Variants in TG observed in about 807,000 individuals in gnomAD.
TG encodes the protein thyroid hormones.
A neutral mutation model predicts 324.7 loss-of-function variants in TG; 270 were observed. The observed-to-expected ratio is 0.83, with a 90% confidence interval of 0.75 to 0.92. TG has a LOEUF of 0.92. Among genes scored for constraint, TG ranks in the 40% least tolerant of loss-of-function variants. The pLI, the probability that TG is intolerant of heterozygous loss-of-function variation, is 0.00. For missense variants in TG, 3,591 were observed against 3,456.4 expected (o/e 1.04, Z -0.98); for synonymous variants, 1,401 against 1,327.0 (o/e 1.06, Z -1.21).
chr8:133,101,274 C>T (rs1200132920), intron 43 of TG, among the ~76,000 whole-genome samples: 2 of 152,200 alleles, frequency 1.3e-5, no homozygotes, highest in African/African-American at 4.8e-5. Context: ...ATGAGCTATG[C>T]TCCCACCCTC....
At chr8:132,999,386 G>C (rs900395250) in intron 35 of TG, among the ~76,000 whole-genome samples, 13 of 151,996 alleles carry the variant, frequency 8.6e-5, no homozygotes, top group African/African-American at 3.1e-4. Context: ...CAGTTAGGAA[G>C]GACCACTATC....
intron 41 of TG, among the ~76,000 whole-genome samples, chr8:133,066,325 C>CA (rs11395047): frequency 0.28 from 24,602 of 87,022 alleles, 4,017 homozygotes; most frequent in Admixed American, 0.31. Flanking sequence ...GACTCTGTCT[C>CA]AAAAAAAAAA....
At chr8:133,102,735 G>T in intron 43 of TG, 1 of 645,600 alleles carries the variant, frequency 1.5e-6, no homozygotes, top group Non-Finnish European at 2.8e-6. Context: ...GCATTCATTT[G>T]CATGATCAAA....
chr8:132,969,527 TTAGAAATA>T lies in TG; in HGVS notation c.5934_5941del (p.Arg1979SerfsTer5), dbSNP rs1247885516. ...TTCCAAAAACTGATGGGGATATCCA[TTAGAAATA>T]AAGTGCCCATGTCTGAAAAATCTAT... On this transcript the variant is annotated frameshift_variant, in exon 32 of 48. Transcript: ENST00000220616. LOFTEE classifies it high-confidence loss of function. The T allele has an allele frequency of 1.2e-6, 2 of 1,613,968 alleles. No individual in the cohort carries two copies. The highest frequency in any genetic ancestry group is 1.7e-6 in the Non-Finnish European group (2 of 1,179,854).
At chr8:133,123,292 C>G (rs2131811339) in intron 45 of TG, among the ~76,000 whole-genome samples, 1 of 152,126 alleles carries the variant, frequency 6.6e-6, no homozygotes, top group Non-Finnish European at 1.5e-5. Flanking sequence ...GGAACCCCCT[C>G]AAGCAGATGG....
At chr8:133,054,883 T>C (rs1351053636) in intron 41 of TG, among the ~76,000 whole-genome samples, 8 of 152,206 alleles carry the variant, frequency 5.3e-5, no homozygotes, top group Non-Finnish European at 1.2e-4. Context: ...TCTTTGGTGC[T>C]GCATGACCAT....
intron 39 of TG, among the ~76,000 whole-genome samples, chr8:133,019,899 G>A (rs958172068): frequency 1.3e-5 from 2 of 152,234 alleles, no homozygotes; most frequent in African/African-American, 4.8e-5. Context: ...GAACCAGTGA[G>A]TGGTGACCAT....
At chr8:133,109,413 G>A (rs1050578442) in intron 43 of TG, among the ~76,000 whole-genome samples, 14 of 152,326 alleles carry the variant, frequency 9.2e-5, no homozygotes, top group African/African-American at 2.2e-4. Flanking sequence ...TAGGCAGGAG[G>A]AACAGCAGGC....
chr8:132,998,091 G>A (rs1211730726), intron 35 of TG, among the ~76,000 whole-genome samples: 1 of 152,208 alleles, frequency 6.6e-6, no homozygotes, highest in Non-Finnish European at 1.5e-5. Flanking sequence ...CTGAAGGGGT[G>A]AGGAAGAATG....
intron 27 of TG, among the ~76,000 whole-genome samples, chr8:132,956,034 T>A (rs1170787805): frequency 6.6e-6 from 1 of 152,230 alleles, no homozygotes; most frequent in African/African-American, 2.4e-5. Context: ...GAAATGAAAG[T>A]ATTTTCTAGG....
intron 42 of TG, 69 bp downstream of exon 42, chr8:133,095,277 G>A: frequency 6.2e-7 from 1 of 1,608,714 alleles, no homozygotes. Flanking sequence ...TGAAGACCTA[G>A]GAAGGAGGTG....
chr8:132,935,868 G>T lies in TG; in HGVS notation c.5041+4G>T, dbSNP rs768258017. ...CCAGCTGTGTATTTGAAAAAGGGTA[G>T]GTTGGTCAGGCTGGTTGGCTTAGGC... is the stretch of plus-strand genomic sequence containing the variant. On this transcript the variant is annotated splice_donor_region_variant and intron_variant, in intron 25 of 47. Coordinates refer to ENST00000220616, the MANE Select transcript of TG (RefSeq NM_003235.5). 1.0e-4 allele frequency: 163 copies of T among 1,611,284 alleles called. No homozygotes were observed. The highest frequency in any genetic ancestry group is 1.3e-4 in the Non-Finnish European group (149 of 1,179,390).
chr8:132,952,050 G>A lies in TG; in HGVS notation c.5401+3107G>A, dbSNP rs561147934. ...ACTGGGGACTGGCCTCTTCATCCCA[G>A]TTTAACAACGGGATAGATGGTTGTG... is the stretch of plus-strand genomic sequence containing the variant. On this transcript the variant is annotated intron_variant, in intron 27 of 47. Transcript: ENST00000220616. Among the ~76,000 whole-genome samples the A allele has an allele frequency of 2.0e-5, 3 of 152,278 alleles. No homozygotes were observed. The East Asian group carries it at 5.8e-4, about 29-fold the overall frequency.
chr8:133,087,076 ACACACACACACACAC>A (rs1429885810), intron 41 of TG, among the ~76,000 whole-genome samples: 13 of 2,176 alleles, frequency 6.0e-3, no homozygotes, highest in African/African-American at 0.037. Flanking sequence ...ATGTTTACAC[ACACACACACACACAC>A]ACACACACAC....
chr8:132,977,068 A>G (rs974257894), intron 34 of TG, among the ~76,000 whole-genome samples: 14 of 152,350 alleles, frequency 9.2e-5, no homozygotes, highest in African/African-American at 2.9e-4. Flanking sequence ...AGTTCTGAAC[A>G]TTAGTACATT....
chr8:132,884,149 T>C (rs991357050), intron 8 of TG, among the ~76,000 whole-genome samples: 1 of 152,204 alleles, frequency 6.6e-6, no homozygotes, highest in Non-Finnish European at 1.5e-5. Flanking sequence ...CAGTCAGACA[T>C]CATCTTAACT....
At chr8:133,026,477 T>C (rs544451887) in intron 40 of TG, among the ~76,000 whole-genome samples, 1 of 152,328 alleles carries the variant, frequency 6.6e-6, no homozygotes, top group East Asian at 1.9e-4. Flanking sequence ...GCCTGGACCC[T>C]GTAGCAGGAC....
intron 20 of TG, among the ~76,000 whole-genome samples, chr8:132,915,937 C>A (rs1380116885): frequency 6.6e-6 from 1 of 152,182 alleles, no homozygotes; most frequent in Non-Finnish European, 1.5e-5. Flanking sequence ...TACCAAAAGC[C>A]CTGAATTTTC....
chr8:132,873,456 C>T (rs1039208124), intron 5 of TG, among the ~76,000 whole-genome samples: 2 of 152,190 alleles, frequency 1.3e-5, no homozygotes, highest in African/African-American at 4.8e-5. Flanking sequence ...AAATGTAAAA[C>T]ATCAGAATGT....
Sources: gnomAD v4.1 joint callset for allele counts (sites outside exome capture counted in the v4.1 genomes callset) on GRCh38, gnomAD v4.1.1 for gene constraint, MANE v1.5 for transcripts, NCBI Gene and HGNC (gene_info 2026-07-23, HGNC 2026-07-21) for gene names.